TYW1B: variants seen among roughly 807,000 people sequenced by gnomAD.
The protein encoded by TYW1B is tRNA-yW synthesizing protein 1 homolog B.
Under a neutral mutation model 86.9 loss-of-function variants are expected in TYW1B, and 73 were observed. The ratio of observed to expected loss-of-function variants is 0.84; its 90% CI spans 0.70 to 1.02. The LOEUF (loss-of-function observed/expected upper bound fraction) is 1.02, where lower values mean the gene tolerates loss of function less well. Among genes scored for constraint, TYW1B ranks in the 50% least tolerant of loss-of-function variants. TYW1B has a pLI of 0.00. For synonymous variants in TYW1B, 248 were observed against 292.8 expected (o/e 0.85, Z 1.56); for missense variants, 637 against 827.4 (o/e 0.77, Z 2.82).
At chr7:72,767,123 T>C (rs1417512575) in intron 7 of TYW1B, among the ~76,000 whole-genome samples, 2 of 151,868 alleles carry the variant, frequency 1.3e-5, no homozygotes, top group African/African-American at 4.8e-5. Context: ...TGAAAAAGAC[T>C]CTACAAAAAC....
chr7:72,732,145 T>C (rs797042093), intron 8 of TYW1B, among the ~76,000 whole-genome samples: 9 of 152,262 alleles, frequency 5.9e-5, no homozygotes, highest in African/African-American at 1.9e-4. Flanking sequence ...GCAAACATTA[T>C]GAGATCTAAT....
At chr7:72,596,761 GAGT>G (rs1450517146) in intron 13 of TYW1B, among the ~76,000 whole-genome samples, 12 of 152,212 alleles carry the variant, frequency 7.9e-5, no homozygotes, top group Non-Finnish European at 1.2e-4. Flanking sequence ...AGAAAAGAAA[GAGT>G]AGACAAACTG....
chr7:72,687,714 C>A (rs1353678584), intron 11 of TYW1B, among the ~76,000 whole-genome samples: 1 of 151,916 alleles, frequency 6.6e-6, no homozygotes, highest in Admixed American at 6.6e-5. Flanking sequence ...AATTAATCTA[C>A]GATGATAAAA....
intron 11 of TYW1B, among the ~76,000 whole-genome samples, chr7:72,632,335 A>G (rs868956528): frequency 0.015 from 1,204 of 77,680 alleles, 43 homozygotes; most frequent in African/African-American, 0.061. Context: ...ATATATATAC[A>G]CGTATATATA....
intron 9 of TYW1B, among the ~76,000 whole-genome samples, chr7:72,714,951 C>T (rs1786750204): frequency 6.6e-6 from 1 of 152,162 alleles, no homozygotes; most frequent in African/African-American, 2.4e-5. Context: ...CCTAGGTCCA[C>T]CTCTAAAGAG....
intron 13 of TYW1B, among the ~76,000 whole-genome samples, chr7:72,604,481 A>T (rs561213165): frequency 8.5e-5 from 13 of 152,242 alleles, no homozygotes; most frequent in South Asian, 2.1e-4. Flanking sequence ...AAAAATTTTT[A>T]AAAATTTTAC....
intron 6 of TYW1B, among the ~76,000 whole-genome samples, chr7:72,786,959 T>C (rs1388934328): frequency 3.3e-5 from 5 of 151,794 alleles, no homozygotes; most frequent in Non-Finnish European, 5.9e-5. Context: ...TTTCAGACAA[T>C]TTCACCAATG....
chr7:72,601,459 G>GT (rs1214363975), intron 13 of TYW1B, among the ~76,000 whole-genome samples: 2 of 152,062 alleles, frequency 1.3e-5, no homozygotes, highest in Non-Finnish European at 2.9e-5. Context: ...TTGGAAGACA[G>GT]TTTTTTACAA....
rs1162824267 is a variant in TYW1B, at chr7:72,745,851, GGTGTGTGTGTGTGT to G, written c.965-1264_965-1251del. 8.5e-4 allele frequency among the ~76,000 whole-genome samples: 64 copies of G among 75,152 alleles called. 1 individual carries two copies. Among genetic ancestry groups the G allele is most frequent in the Middle Eastern group, 0.018 (2 of 112 alleles). 49.3% of individuals were successfully genotyped at this position (75,152 alleles called of 152,430 possible). A position where few individuals can be genotyped will look rare whatever the true frequency, so the allele number is the denominator to read the frequency against. Reference sequence around the variant, plus strand: ...TGAGTAGCCTTTACACGTGTATAGGGGTGTGTGTGTGTGTGTGTGTGTGTGTGTGTGTGTGTGTA... The same window carrying G: ...TGAGTAGCCTTTACACGTGTATAGGGGTGTGTGTGTGTGTGTGTGTGTGTA... On this transcript the variant is annotated intron_variant, in intron 7 of 13. Coordinates refer to ENST00000620995, the MANE Select transcript of TYW1B (RefSeq NM_001145440.3).
chr7:72,594,042 G>C (rs1291311237), intron 13 of TYW1B, among the ~76,000 whole-genome samples: 7 of 151,674 alleles, frequency 4.6e-5, no homozygotes, highest in Non-Finnish European at 1.0e-4. Flanking sequence ...AAAACTTATA[G>C]CTATAAACAC....
At chr7:72,747,054 G>A in intron 7 of TYW1B, among the ~76,000 whole-genome samples, 1 of 152,048 alleles carries the variant, frequency 6.6e-6, no homozygotes, top group Admixed American at 6.6e-5. Context: ...TTGGCCTATG[G>A]ATATCTAATT....
chr7:72,806,863 G>A (rs1423215581), intron 5 of TYW1B, among the ~76,000 whole-genome samples: 1 of 152,030 alleles, frequency 6.6e-6, no homozygotes, highest in Admixed American at 6.6e-5. Flanking sequence ...ATGTTGCCCA[G>A]GCTGGTCTTG....
intron 6 of TYW1B, among the ~76,000 whole-genome samples, chr7:72,794,994 AT>A (rs1376379114): frequency 1.3e-5 from 2 of 151,718 alleles, no homozygotes; most frequent in African/African-American, 4.8e-5. Flanking sequence ...TTGTTTTTGT[AT>A]TTTTGGTAGA....
intron 4 of TYW1B, 117 bp from the exon 5 acceptor site, chr7:72,807,473 A>T (rs1176353416): frequency 2.9e-6 from 4 of 1,368,088 alleles, no homozygotes; most frequent in Admixed American, 5.5e-5. Flanking sequence ...ACCACTAAGA[A>T]AGAGGAAATT....
chr7:72,768,582 T>G (rs1190936762), intron 7 of TYW1B, among the ~76,000 whole-genome samples: 1 of 151,876 alleles, frequency 6.6e-6, no homozygotes, highest in East Asian at 1.9e-4. Flanking sequence ...GGTCAGGAGA[T>G]CGAGACCATC....
At chr7:72,803,562 T>C (rs1788442140) in intron 5 of TYW1B, among the ~76,000 whole-genome samples, 1 of 152,186 alleles carries the variant, frequency 6.6e-6, no homozygotes, top group Admixed American at 6.5e-5. Flanking sequence ...GTGGCAGCCT[T>C]CATCCCTTTC....
At chr7:72,727,374 G>A (rs747924288) in intron 9 of TYW1B, among the ~76,000 whole-genome samples, 9 of 152,152 alleles carry the variant, frequency 5.9e-5, no homozygotes, top group Non-Finnish European at 1.2e-4. Flanking sequence ...ACCAGTGGTA[G>A]GTAGAGACCA....
At chr7:72,804,792 CA>C (rs1310830925) in intron 5 of TYW1B, among the ~76,000 whole-genome samples, 1 of 152,158 alleles carries the variant, frequency 6.6e-6, no homozygotes, top group Non-Finnish European at 1.5e-5. Context: ...GTGAGCTATG[CA>C]CTACTGCACT....
chr7:72,693,852 A>C (rs1814237824), intron 11 of TYW1B, among the ~76,000 whole-genome samples: 1 of 152,240 alleles, frequency 6.6e-6, no homozygotes, highest in African/African-American at 2.4e-5. Flanking sequence ...ACAACCACTT[A>C]CATGGCATTT....
Sources: gnomAD v4.1 joint callset for allele counts (sites outside exome capture counted in the v4.1 genomes callset) on GRCh38, gnomAD v4.1.1 for gene constraint, MANE v1.5 for transcripts, NCBI Gene and HGNC (gene_info 2026-07-23, HGNC 2026-07-21) for gene names.